Variants in ZRANB1 observed in about 807,000 individuals in gnomAD.
ZRANB1 encodes the protein ubiquitin thioesterase ZRANB1.
Under a neutral mutation model 80.5 loss-of-function variants are expected in ZRANB1, and 16 were observed. That is an observed-to-expected ratio of 0.20 (90% CI 0.13 to 0.30). ZRANB1 has a LOEUF of 0.30. Ranked by LOEUF, ZRANB1 falls within the 10% of genes least tolerant of loss-of-function variation. ZRANB1 has a pLI of 1.00. For missense variants in ZRANB1, 576 were observed against 862.6 expected (o/e 0.67, Z 4.16); for synonymous variants, 291 against 293.1 (o/e 0.99, Z 0.07).
chr10:124,937,694 A>G (rs1333511018), upstream of ZRANB1, among the ~76,000 whole-genome samples: 1 of 152,234 alleles, frequency 6.6e-6, no homozygotes, highest in Non-Finnish European at 1.5e-5. Context: ...TAGTACATAT[A>G]CCATATTTCT....
intron 5 of ZRANB1, 127 bp downstream of exon 5, chr10:124,974,525 G>C: frequency 1.0e-6 from 1 of 977,208 alleles, no homozygotes; most frequent in Non-Finnish European, 1.5e-6. Flanking sequence ...AGTTCATTTT[G>C]GACATTAAAA....
Position 124,983,840 on chromosome 10 carries a change from T to G in ZRANB1, c.1908+152T>G, listed in dbSNP as rs1270041278. The G allele has an allele frequency of 4.2e-5, 27 of 644,114 alleles. No homozygotes were observed. In the South Asian group the frequency reaches 5.8e-4, roughly 14 times the overall value. The allele number at this position is 644,114 out of a possible 1,614,324, so 39.9% of individuals were successfully genotyped here. On this transcript the variant is annotated intron_variant, in intron 8 of 8. Transcript: ENST00000359653. The surrounding 1 kb of genome is among the most constrained non-coding windows in gnomAD (Gnocchi z 6.2). ...GAAGGTACTAGCTATACTTTGAAATTTACCTTTTCAAAACTGCTGTATGGG... is the reference window on the plus strand; with the variant it reads ...GAAGGTACTAGCTATACTTTGAAATGTACCTTTTCAAAACTGCTGTATGGG...
At chr10:124,939,315 T>C (rs540850131), upstream of ZRANB1, among the ~76,000 whole-genome samples, 142 of 152,216 alleles carry the variant, frequency 9.3e-4, 1 homozygote, top group South Asian at 9.1e-3. Context: ...ATTAAAGACT[T>C]GAGCCACTGT....
At chr10:124,966,437 A>T (rs1951776681) in intron 1 of ZRANB1, among the ~76,000 whole-genome samples, 157 bp from the exon 2 acceptor site, 1 of 152,140 alleles carries the variant, frequency 6.6e-6, no homozygotes, top group African/African-American at 2.4e-5. Flanking sequence ...GGAAAGGAAA[A>T]AACTTATTTT....
intron 5 of ZRANB1, among the ~76,000 whole-genome samples, chr10:124,977,275 CTTT>C (rs201153304): frequency 7.7e-6 from 1 of 130,596 alleles, no homozygotes; most frequent in Non-Finnish European, 1.6e-5. Context: ...TGCACCTGGC[CTTT>C]TTTTTTTTTT....
intron 1 of ZRANB1, among the ~76,000 whole-genome samples, chr10:124,959,776 A>G (rs993739975): frequency 2.6e-5 from 4 of 152,174 alleles, no homozygotes; most frequent in African/African-American, 9.7e-5. Context: ...TCAACTTTTG[A>G]AAAGGGAATG....
At chr10:124,974,488 AT>A in intron 5 of ZRANB1, 90 bp downstream of exon 5, 1 of 1,334,944 alleles carries the variant, frequency 7.5e-7, no homozygotes. Context: ...TGTCAGTTAT[AT>A]TTTCTATGGA....
chr10:124,933,858 T>C, the ZRANB1 span, among the ~76,000 whole-genome samples: 11 of 152,182 alleles, frequency 7.2e-5, no homozygotes, highest in African/African-American at 2.4e-4. Context: ...AGTGTTCAGA[T>C]AGAGTAAGTA....
At chr10:124,974,466 G>A (rs1336092770) in intron 5 of ZRANB1, 68 bp downstream of exon 5, 3 of 1,515,164 alleles carry the variant, frequency 2.0e-6, no homozygotes, top group South Asian at 2.3e-5. Context: ...TGTAGTGGTG[G>A]GATACTTTTT....
upstream of ZRANB1, among the ~76,000 whole-genome samples, chr10:124,938,875 TAAAAA>T (rs915064342): frequency 1.3e-5 from 2 of 151,876 alleles, no homozygotes; most frequent in Non-Finnish European, 2.9e-5. Context: ...CCTGGCTAAT[TAAAAA>T]AAAGTTTTTT....
At chr10:124,937,122 G>C in the ZRANB1 span, among the ~76,000 whole-genome samples, 1 of 151,512 alleles carries the variant, frequency 6.6e-6, no homozygotes, top group East Asian at 1.9e-4. Flanking sequence ...GAAACTACTG[G>C]CAATTGAGCT....
chr10:124,940,381 T>C (rs947541575), upstream of ZRANB1: 4 of 548,614 alleles, frequency 7.3e-6, no homozygotes, highest in African/African-American at 2.0e-5. Context: ...CAGGAATAGC[T>C]ATTCAGTCAG....
chr10:124,982,520 CTTTAT>C (rs930914130), intron 6 of ZRANB1, among the ~76,000 whole-genome samples: 1 of 152,140 alleles, frequency 6.6e-6, no homozygotes, highest in Non-Finnish European at 1.5e-5. Context: ...TGGTTTCATG[CTTTAT>C]TTTGTGAAGC....
In ZRANB1 at chr10:124,968,444, G is replaced by A. The variant is rs1951794129; in HGVS notation, c.1002+1663G>A. 2.0e-5 allele frequency among the ~76,000 whole-genome samples: 3 copies of A among 150,434 alleles called. No individual in the cohort carries two copies. The Admixed American group carries it at 2.0e-4, about 10-fold the overall frequency. On this transcript the variant is annotated intron_variant, in intron 2 of 8. Coordinates refer to ENST00000359653, the MANE Select transcript of ZRANB1 (RefSeq NM_017580.3). ...GTTTGGTAAGATTCCAGTGAAGCCG[G>A]GGTGGGGGGCTTGAGAGACTGAAGG...
chr10:124,921,019 T>C, the ZRANB1 span, among the ~76,000 whole-genome samples: 1 of 152,232 alleles, frequency 6.6e-6, no homozygotes, highest in Non-Finnish European at 1.5e-5. Flanking sequence ...CTTGAAACTA[T>C]GGCTGTCTCT....
chr10:124,948,955 T>C (rs1434973848), intron 1 of ZRANB1, among the ~76,000 whole-genome samples: 2 of 152,148 alleles, frequency 1.3e-5, no homozygotes, highest in Non-Finnish European at 2.9e-5. Context: ...GCTTCCTAGC[T>C]CTCTATGTTT....
intron 1 of ZRANB1, among the ~76,000 whole-genome samples, chr10:124,952,951 G>T (rs905849159): frequency 2.0e-5 from 3 of 150,910 alleles, no homozygotes; most frequent in African/African-American, 7.3e-5. Flanking sequence ...TTGAGATGGA[G>T]TCTTGCTCTG....
intron 1 of ZRANB1, among the ~76,000 whole-genome samples, chr10:124,951,113 T>C (rs1339357426): frequency 6.6e-6 from 1 of 152,220 alleles, no homozygotes; most frequent in Non-Finnish European, 1.5e-5. Flanking sequence ...GGTATTGATA[T>C]TAAGAATTAC....
chr10:124,933,568 CTG>C, the ZRANB1 span, among the ~76,000 whole-genome samples: 7 of 152,182 alleles, frequency 4.6e-5, no homozygotes, highest in Admixed American at 6.5e-5. Flanking sequence ...TTTAAGAAAA[CTG>C]TGGTCTTTCA....
Sources: gnomAD v4.1 joint callset for allele counts (sites outside exome capture counted in the v4.1 genomes callset) on GRCh38, gnomAD v4.1.1 for gene constraint, Gnocchi (gnomAD v3.1) non-coding constraint, MANE v1.5 for transcripts, NCBI Gene and HGNC (gene_info 2026-07-23, HGNC 2026-07-21) for gene names.